Variants in CDH1 observed in about 807,000 individuals in gnomAD.
CDH1 encodes the protein cadherin-1.
CDH1 carries 35 observed loss-of-function variants against 84.5 expected under a neutral mutation model. That is an observed-to-expected ratio of 0.41 (90% CI 0.32 to 0.55). The LOEUF (loss-of-function observed/expected upper bound fraction) is 0.55. CDH1 is among the 20% of genes least tolerant of loss of function. The pLI, the probability that CDH1 is intolerant of heterozygous loss-of-function variation, is 0.19. For synonymous variants in CDH1, 417 were observed against 439.0 expected (o/e 0.95, Z 0.63); for missense variants, 994 against 1,126.6 (o/e 0.88, Z 1.68).
chr16:68,762,133 A>G (rs542491613), intron 2 of CDH1, among the ~76,000 whole-genome samples: 1 of 152,070 alleles, frequency 6.6e-6, no homozygotes, highest in African/African-American at 2.4e-5. Flanking sequence ...ATGGACTCCC[A>G]TTTCCAATGG....
intron 10 of CDH1, among the ~76,000 whole-genome samples, chr16:68,816,082 A>G (rs1960980547): frequency 6.6e-6 from 1 of 152,098 alleles, no homozygotes; most frequent in Admixed American, 6.5e-5. Context: ...CAGTGGCGTG[A>G]TCTCTGCCTA....
rs9935221 is a variant in CDH1 at position 68,789,546 on chromosome 16, C to T, written c.164-12124C>T. ...TTTTTTTTTTTTGTAACAGCTTTAT[C>T]GAAACATAATCCACATAGCATATAT... On this transcript the variant is annotated intron_variant, in intron 2 of 15. Transcript: ENST00000261769. 6.5e-3 allele frequency among the ~76,000 whole-genome samples: 972 copies of T among 149,038 alleles called. 12 individuals are homozygous for T. Among genetic ancestry groups the T allele is most frequent in the African/African-American group, 0.022 (901 of 40,498 alleles).
intron 10 of CDH1, among the ~76,000 whole-genome samples, chr16:68,818,299 T>G (rs959102561): frequency 1.3e-5 from 2 of 149,788 alleles, no homozygotes; most frequent in African/African-American, 4.9e-5. Flanking sequence ...TATAACAGAA[T>G]GCCTTTGTTC....
At chr16:68,773,328 GCT>G (rs1366932686) in intron 2 of CDH1, among the ~76,000 whole-genome samples, 9 of 135,672 alleles carry the variant, frequency 6.6e-5, no homozygotes, top group Non-Finnish European at 1.5e-5. Context: ...ATGGAGTCTT[GCT>G]CTGTCACCCA....
intron 2 of CDH1, among the ~76,000 whole-genome samples, chr16:68,769,168 G>C (rs1959472251): frequency 6.6e-6 from 1 of 152,004 alleles, no homozygotes; most frequent in African/African-American, 2.4e-5. Flanking sequence ...CTAGGGCTTG[G>C]GCTCAGAATT....
intron 2 of CDH1, among the ~76,000 whole-genome samples, chr16:68,788,357 A>G (rs1960121100): frequency 6.6e-6 from 1 of 152,210 alleles, no homozygotes; most frequent in South Asian, 2.1e-4. Flanking sequence ...TTATAAACGT[A>G]CACAGCTGTT....
At position 68,737,305 on chromosome 16, in the gene CDH1, C is replaced by A; in HGVS notation, c.-111C>A. 1.1e-6 allele frequency: 1 copy of A among 893,364 alleles called. No homozygotes were observed. Among genetic ancestry groups the A allele is most frequent in the Non-Finnish European group, 1.7e-6 (1 of 593,400 alleles). The allele number at this position is 893,364 out of a possible 1,614,324, so 55.3% of individuals were successfully genotyped here. On this transcript the variant is annotated 5_prime_UTR_variant, in exon 1 of 16. The change creates a new upstream start codon in the 5' untranslated region. Transcript: ENST00000261769. ...GCACCCCCTCTCAGTGGCGTCGGAACTGCAAAGCACCTGTGAGCTTGCGGA... is the reference window on the plus strand; with the variant it reads ...GCACCCCCTCTCAGTGGCGTCGGAAATGCAAAGCACCTGTGAGCTTGCGGA...
At chr16:68,827,322 G>A (rs932861023) in intron 13 of CDH1, among the ~76,000 whole-genome samples, 6 of 151,496 alleles carry the variant, frequency 4.0e-5, no homozygotes, top group Non-Finnish European at 7.4e-5. Flanking sequence ...ATAGGGTACA[G>A]TATATAGGTA....
rs781427897 is a variant in CDH1, at chr16:68,801,869, C to G, written c.363C>G (p.His121Gln). The G allele has an allele frequency of 1.2e-6, 2 of 1,614,040 alleles. No individual in the cohort carries two copies. Among genetic ancestry groups the G allele is most frequent in the East Asian group, 4.5e-5 (2 of 44,894 alleles). ...AAGTCACGCTGAATACAGTGGGGCA[C>G]CACCACCGCCCCCCGCCCCATCAGG... Reference protein sequence around the residue: ...STKVTLNTVGHHHRPPPHQAS... With the variant: ...STKVTLNTVGQHHRPPPHQAS... The change falls in exon 3 of 16, where the codon CAC becomes CAG. Residue 121 changes from histidine to glutamine, a missense_variant. Coordinates refer to ENST00000261769, the MANE Select transcript of CDH1 (RefSeq NM_004360.5).
intron 2 of CDH1, chr16:68,765,102 A>G (rs1235567816): frequency 6.6e-6 from 1 of 152,232 alleles, no homozygotes; most frequent in Non-Finnish European, 1.5e-5. Flanking sequence ...CAGCATGGAG[A>G]TAAGGCAGCT....
intron 5 of CDH1, 83 bp downstream of exon 5, chr16:68,808,931 C>T (rs2152130444): frequency 7.5e-7 from 1 of 1,337,588 alleles, no homozygotes; most frequent in Non-Finnish European, 1.1e-6. Context: ...ATCCGCAGAT[C>T]AGAGGCTCTG....
chr16:68,782,054 T>A (rs929997376), intron 2 of CDH1, among the ~76,000 whole-genome samples: 2 of 152,200 alleles, frequency 1.3e-5, no homozygotes, highest in Non-Finnish European at 2.9e-5. Context: ...TGTGGGCAGC[T>A]GCTGTTCCCC....
rs531780846 is a variant in CDH1 at position 68,743,645 on chromosome 16, C to T, written c.163+5234C>T. Among the ~76,000 whole-genome samples the T allele has an allele frequency of 3.9e-5, 6 of 152,140 alleles. No homozygotes were observed. In the South Asian group the frequency reaches 1.0e-3, roughly 26 times the overall value. On this transcript the variant is annotated intron_variant, in intron 2 of 15. Coordinates refer to ENST00000261769, the MANE Select transcript of CDH1 (RefSeq NM_004360.5). Reference sequence around the variant, plus strand: ...CCTCCCTAAGTGCTGGGATTACAGGCGTGAGCCACCGAGCCGGGCCCCTTC... The same window carrying T: ...CCTCCCTAAGTGCTGGGATTACAGGTGTGAGCCACCGAGCCGGGCCCCTTC...
intron 2 of CDH1, among the ~76,000 whole-genome samples, chr16:68,796,790 G>T (rs1018199878): frequency 6.6e-6 from 1 of 151,724 alleles, no homozygotes; most frequent in Admixed American, 6.6e-5. Flanking sequence ...CATTCTAATT[G>T]TAACAGGCCA....
chr16:68,829,706 C>T lies in CDH1; in HGVS notation c.2348C>T (p.Thr783Ile), dbSNP rs876658467. The T allele has an allele frequency of 4.3e-6, 7 of 1,614,012 alleles. No individual in the cohort carries two copies. In the Admixed American group the frequency reaches 1.2e-4, roughly 27 times the overall value. ...HRGLDARPEVTRNDVAPTLMS... is the reference protein window; with the variant it reads ...HRGLDARPEVIRNDVAPTLMS... ...GGCCTGGACGCTCGGCCTGAAGTGACTCGTAACGACGTTGCACCAACCCTC... is the reference window on the plus strand; with the variant it reads ...GGCCTGGACGCTCGGCCTGAAGTGATTCGTAACGACGTTGCACCAACCCTC... The change falls in exon 15 of 16, where the codon ACT becomes ATT. Residue 783 changes from threonine (T) to isoleucine (I), a missense_variant. Physicochemically the swap from Thr to Ile is moderately conservative, Grantham distance 89 (BLOSUM62 -1). Transcript: ENST00000261769.
intron 10 of CDH1, among the ~76,000 whole-genome samples, chr16:68,817,521 G>A (rs1180470697): frequency 6.6e-6 from 1 of 152,160 alleles, no homozygotes; most frequent in South Asian, 2.1e-4. Context: ...GTGAAAAAAG[G>A]CACCTTTGCT....
intron 2 of CDH1, among the ~76,000 whole-genome samples, chr16:68,783,388 C>CAAAAAAAAAAAAAAA (rs375080273): frequency 6.5e-5 from 4 of 61,926 alleles, no homozygotes; most frequent in Admixed American, 1.8e-4. Flanking sequence ...CAGAGTATCT[C>CAAAAAAAAAAAAAAA]AAAAAAAAAA....
chr16:68,737,358 G>T lies in CDH1; in HGVS notation c.-58G>T. The T allele has an allele frequency of 6.2e-6, 9 of 1,458,974 alleles. No homozygotes were observed. Among genetic ancestry groups the T allele is most frequent in the Non-Finnish European group, 8.3e-6 (9 of 1,084,442 alleles). 90.4% of individuals were successfully genotyped at this position (1,458,974 alleles called of 1,614,324 possible). A position where few individuals can be genotyped will look rare whatever the true frequency, so the allele number is the denominator to read the frequency against. Reference sequence around the variant, plus strand: ...TCAGTTCAGACTCCAGCCCGCTCCAGCCCGGCCCGACCCGACCGCACCCGG... The same window carrying T: ...TCAGTTCAGACTCCAGCCCGCTCCATCCCGGCCCGACCCGACCGCACCCGG... On this transcript the variant is annotated 5_prime_UTR_variant, in exon 1 of 16. Coordinates refer to ENST00000261769, the MANE Select transcript of CDH1 (RefSeq NM_004360.5).
chr16:68,774,947 A>G (rs566997713), intron 2 of CDH1, among the ~76,000 whole-genome samples: 2 of 152,270 alleles, frequency 1.3e-5, no homozygotes, highest in South Asian at 4.2e-4. Flanking sequence ...ATGGAAACTT[A>G]AATACATAAA....
Sources: gnomAD v4.1 joint callset for allele counts (sites outside exome capture counted in the v4.1 genomes callset) on GRCh38, gnomAD v4.1.1 for gene constraint, MANE v1.5 for transcripts, NCBI Gene and HGNC (gene_info 2026-07-23, HGNC 2026-07-21) for gene names.